The following SLC24A2 variants were observed in gnomAD, a reference collection of about 807,000 sequenced individuals.
The protein encoded by SLC24A2 is sodium/potassium/calcium exchanger 2.
Under a neutral mutation model 62.0 loss-of-function variants are expected in SLC24A2, and 36 were observed. The ratio of observed to expected loss-of-function variants is 0.58; its 90% CI spans 0.44 to 0.77. SLC24A2 has a LOEUF of 0.77. Ranked by LOEUF, SLC24A2 falls within the 30% of genes least tolerant of loss-of-function variation. The pLI is 0.00. For missense variants in SLC24A2, 846 were observed against 817.9 expected (o/e 1.03, Z -0.42); for synonymous variants, 358 against 294.0 (o/e 1.22, Z -2.23).
the SLC24A2 span, among the ~76,000 whole-genome samples, chr9:20,081,997 G>A: frequency 3.9e-5 from 6 of 152,014 alleles, no homozygotes; most frequent in African/African-American, 1.2e-4. Context: ...ACCTTTCAGG[G>A]GATTCTCACT....
chr9:20,027,974 G>A, the SLC24A2 span, among the ~76,000 whole-genome samples: 88 of 152,264 alleles, frequency 5.8e-4, no homozygotes, highest in Non-Finnish European at 1.0e-3. Context: ...CCTGCAGTTG[G>A]TTGTCGTTAA....
At chr9:20,228,143 A>C in the SLC24A2 span, among the ~76,000 whole-genome samples, 1 of 152,140 alleles carries the variant, frequency 6.6e-6, no homozygotes, top group Non-Finnish European at 1.5e-5. Flanking sequence ...CAGTTTACTA[A>C]ATTTCAAATA....
chr9:19,695,657 T>G (rs1358796112), intron 2 of SLC24A2, among the ~76,000 whole-genome samples: 1 of 112,640 alleles, frequency 8.9e-6, no homozygotes, highest in African/African-American at 3.6e-5. Flanking sequence ...AGATTATTCA[T>G]AGCAGCATTG....
the SLC24A2 span, among the ~76,000 whole-genome samples, chr9:20,205,211 C>T: frequency 6.6e-6 from 1 of 151,988 alleles, no homozygotes; most frequent in Non-Finnish European, 1.5e-5. Flanking sequence ...GGAGTACACG[C>T]AAAGCATTTC....
At chr9:19,879,283 G>A in the SLC24A2 span, among the ~76,000 whole-genome samples, 1 of 152,156 alleles carries the variant, frequency 6.6e-6, no homozygotes, top group Non-Finnish European at 1.5e-5. Context: ...AACCCCGAGA[G>A]GAGACTGATG....
At chr9:19,715,019 T>C (rs1820818681) in intron 2 of SLC24A2, among the ~76,000 whole-genome samples, 1 of 152,016 alleles carries the variant, frequency 6.6e-6, no homozygotes, top group East Asian at 1.9e-4. Flanking sequence ...ATTTCTAAGG[T>C]GCCTCAACCT....
chr9:19,996,858 G>T, the SLC24A2 span, among the ~76,000 whole-genome samples: 2 of 150,714 alleles, frequency 1.3e-5, no homozygotes, highest in African/African-American at 2.4e-5. Context: ...TTTGAGAATT[G>T]TAGCTCTAGT....
the SLC24A2 span, among the ~76,000 whole-genome samples, chr9:19,896,695 C>G: frequency 6.6e-6 from 1 of 152,114 alleles, no homozygotes; most frequent in Non-Finnish European, 1.5e-5. Context: ...ACTCTCAGAG[C>G]CAATATCCTT....
chr9:20,253,434 T>C, the SLC24A2 span, among the ~76,000 whole-genome samples: 3 of 152,192 alleles, frequency 2.0e-5, no homozygotes, highest in Non-Finnish European at 4.4e-5. Flanking sequence ...TAATAATTGT[T>C]TGTACCATCT....
the SLC24A2 span, among the ~76,000 whole-genome samples, chr9:20,042,370 C>A: frequency 6.6e-6 from 1 of 152,200 alleles, no homozygotes; most frequent in African/African-American, 2.4e-5. Flanking sequence ...TCAAGGATTT[C>A]ATTTGCATAA....
intron 7 of SLC24A2, among the ~76,000 whole-genome samples, chr9:19,567,104 A>G (rs1271576084): frequency 1.3e-5 from 2 of 150,394 alleles, no homozygotes; most frequent in African/African-American, 2.5e-5. Flanking sequence ...AACTTAAAGT[A>G]TAATAAAAAA....
chr9:20,305,949 C>T, the SLC24A2 span, among the ~76,000 whole-genome samples: 7 of 152,164 alleles, frequency 4.6e-5, no homozygotes, highest in South Asian at 2.1e-4. Context: ...TCTGCCTTCA[C>T]GTGGTCTTTT....
chr9:20,026,887 T>C, the SLC24A2 span, among the ~76,000 whole-genome samples: 1 of 152,006 alleles, frequency 6.6e-6, no homozygotes, highest in Admixed American at 6.6e-5. Flanking sequence ...AGGACACAAT[T>C]TGCAGAATGA....
the SLC24A2 span, among the ~76,000 whole-genome samples, chr9:19,809,754 A>G: frequency 6.6e-6 from 1 of 151,986 alleles, no homozygotes; most frequent in African/African-American, 2.4e-5. Context: ...GATCGAACCG[A>G]TCTGTGAGCC....
intron 2 of SLC24A2, among the ~76,000 whole-genome samples, chr9:19,713,817 G>T (rs1820784359): frequency 6.6e-6 from 1 of 151,932 alleles, no homozygotes; most frequent in Non-Finnish European, 1.5e-5. Context: ...TAATCTTTCT[G>T]AATTCCTCAA....
intron 2 of SLC24A2, among the ~76,000 whole-genome samples, chr9:19,774,977 CTAGTCCTTTCA>C (rs1822802941): frequency 6.6e-6 from 1 of 152,170 alleles, no homozygotes; most frequent in Non-Finnish European, 1.5e-5. Flanking sequence ...TGGAGATAAA[CTAGTCCTTTCA>C]TTTTCAAAGA....
the SLC24A2 span, among the ~76,000 whole-genome samples, chr9:20,072,199 A>C: frequency 2.2e-3 from 328 of 152,270 alleles, 8 homozygotes; most frequent in Admixed American, 0.019. Context: ...GTGATTGGAC[A>C]AGAAGTGTAT....
the SLC24A2 span, among the ~76,000 whole-genome samples, chr9:20,080,751 A>G: frequency 6.6e-6 from 1 of 152,190 alleles, no homozygotes; most frequent in African/African-American, 2.4e-5. Flanking sequence ...TAATATCCAG[A>G]ATCTACAATG....
chr9:19,733,067 T>C (rs904252949), intron 2 of SLC24A2, among the ~76,000 whole-genome samples: 2 of 142,886 alleles, frequency 1.4e-5, no homozygotes, highest in Non-Finnish European at 3.0e-5. Flanking sequence ...ATTTTAGAAG[T>C]CTTAAGATGT....
Sources: gnomAD v4.1 joint callset for allele counts (sites outside exome capture counted in the v4.1 genomes callset) on GRCh38, gnomAD v4.1.1 for gene constraint, MANE v1.5 for transcripts, NCBI Gene and HGNC (gene_info 2026-07-23, HGNC 2026-07-21) for gene names.